Variants in SHANK2 observed in about 807,000 individuals in gnomAD.
The protein encoded by SHANK2 is SH3 and multiple ankyrin repeat domains 2.
A neutral mutation model predicts 133.7 loss-of-function variants in SHANK2; 43 were observed. That is an observed-to-expected ratio of 0.32 (90% confidence interval 0.25 to 0.41). The LOEUF is 0.41. Among genes scored for constraint, SHANK2 ranks in the 10% least tolerant of loss-of-function variants. The pLI is 1.00. For synonymous variants in SHANK2, 1,017 were observed against 952.8 expected (o/e 1.07, Z -1.24); for missense variants, 1,994 against 2,235.8 (o/e 0.89, Z 2.18).
At chr11:70,704,758 G>A (rs1480993186) in intron 14 of SHANK2, among the ~76,000 whole-genome samples, 1 of 152,200 alleles carries the variant, frequency 6.6e-6, no homozygotes, top group East Asian at 1.9e-4. Context: ...GGACACAAAA[G>A]ACCTTGATGC....
At chr11:70,692,701 T>C (rs1555021339) in intron 15 of SHANK2, among the ~76,000 whole-genome samples, 3 of 152,208 alleles carry the variant, frequency 2.0e-5, no homozygotes, top group African/African-American at 7.2e-5. Flanking sequence ...TTCCTGCATA[T>C]CTTGAATTTT....
At chr11:71,112,235 A>T (rs1172466915) in intron 5 of SHANK2, among the ~76,000 whole-genome samples, 1 of 152,138 alleles carries the variant, frequency 6.6e-6, no homozygotes, top group Non-Finnish European at 1.5e-5. Context: ...CTCTACTAAA[A>T]ATACAAAATT....
At position 71,175,124 on chromosome 11, in the gene SHANK2, A is replaced by C. The variant is rs1264638324; in HGVS notation, c.-12-27786T>G. Among the ~76,000 whole-genome samples the C allele has an allele frequency of 1.3e-5, 2 of 152,180 alleles. No homozygotes were observed. Among genetic ancestry groups the C allele is most frequent in the South Asian group, 2.1e-4 (1 of 4,832 alleles). On this transcript the variant is annotated intron_variant, in intron 2 of 25. Transcript: ENST00000601538. The surrounding 1 kb of genome is among the most constrained non-coding windows in gnomAD (Gnocchi z 4.2). ...TTTACCAGAGCAAGGGATTTTGTTA[A>C]ATCTGTGCCTTATCTATTTTGTGTG...
At position 70,489,330 on chromosome 11, in the gene SHANK2, G is replaced by A. The variant is rs2058854103; in HGVS notation, c.2570C>T (p.Ser857Leu). 1.2e-6 allele frequency: 2 copies of A among 1,613,676 alleles called. No homozygotes were observed. The highest frequency in any genetic ancestry group is 1.1e-5 in the South Asian group (1 of 91,076). The change falls in exon 24 of 26, where the codon TCA becomes TTA. Residue 857 changes from serine to leucine, a missense_variant and splice_region_variant. By Grantham distance (145) the Ser-to-Leu change is moderately radical (BLOSUM62 -2). Transcript: ENST00000601538. ...QKSIDSRIFL[S>L]GITEEERQFL... The stretch of plus-strand genomic sequence containing the variant: ...TCCAAACCGTAAGGTTCACTAACCT[G>A]ATAGAAAGATTCTGCTGTCTGACAG...
chr11:70,554,268 C>T (rs1406242727), intron 17 of SHANK2, among the ~76,000 whole-genome samples: 35 of 152,132 alleles, frequency 2.3e-4, no homozygotes, highest in Non-Finnish European at 2.9e-5. Flanking sequence ...CTTTGATGAG[C>T]CCCCAAGGGG....
intron 10 of SHANK2, among the ~76,000 whole-genome samples, chr11:70,901,300 C>T (rs1205124309): frequency 6.6e-6 from 1 of 152,128 alleles, no homozygotes; most frequent in Admixed American, 6.6e-5. Flanking sequence ...AGGTCAAACA[C>T]CTTTGTAAAA....
chr11:71,085,834 TATACAACAATAATATATATTGTTATTTTA>T (rs1951391723), intron 8 of SHANK2, among the ~76,000 whole-genome samples: 1 of 32 alleles, frequency 0.031, no homozygotes, highest in Non-Finnish European at 0.083. Flanking sequence ...ATAATAATAT[TATACAACAATAATATATATTGTTATTTTA>T]ATATATTATA....
chr11:70,772,145 T>C (rs571641985), intron 14 of SHANK2, among the ~76,000 whole-genome samples: 69 of 152,050 alleles, frequency 4.5e-4, no homozygotes, highest in Middle Eastern at 3.4e-3. Context: ...CAAGCCCCCC[T>C]AGTTTGAGAA....
intron 11 of SHANK2, among the ~76,000 whole-genome samples, chr11:70,870,610 G>A (rs1949444007): frequency 6.6e-6 from 1 of 152,138 alleles, no homozygotes; most frequent in Admixed American, 6.5e-5. Context: ...GTTCACACTG[G>A]GGACTGCAGG....
intron 11 of SHANK2, among the ~76,000 whole-genome samples, chr11:70,851,829 A>C (rs1483842636): frequency 6.6e-6 from 1 of 151,494 alleles, no homozygotes; most frequent in Non-Finnish European, 1.5e-5. Flanking sequence ...CCATGCGTGG[A>C]GGTTCAAACT....
chr11:71,124,557 T>C (rs1454404640), intron 3 of SHANK2, among the ~76,000 whole-genome samples: 3 of 152,000 alleles, frequency 2.0e-5, no homozygotes, highest in Non-Finnish European at 4.4e-5. Flanking sequence ...GTTTATATAA[T>C]AATATTATTC....
At chr11:70,934,638 A>G (rs1555083157) in intron 10 of SHANK2, among the ~76,000 whole-genome samples, 1 of 152,246 alleles carries the variant, frequency 6.6e-6, no homozygotes, top group Non-Finnish European at 1.5e-5. Flanking sequence ...GCCACCATCA[A>G]TTAAGGAGGC....
chr11:70,661,802 C>T, intron 15 of SHANK2, 124 bp from the exon 16 acceptor site: 2 of 1,612,724 alleles, frequency 1.2e-6, no homozygotes, highest in Admixed American at 1.7e-5. Flanking sequence ...CAGATCCAGG[C>T]AGCATGGAGG....
At chr11:71,143,323 C>T (rs1952589892) in intron 3 of SHANK2, among the ~76,000 whole-genome samples, 1 of 152,206 alleles carries the variant, frequency 6.6e-6, no homozygotes, top group African/African-American at 2.4e-5. Flanking sequence ...CAAAACACAG[C>T]CAATCCTCAC....
intron 14 of SHANK2, among the ~76,000 whole-genome samples, chr11:70,778,426 G>T (rs1324893566): frequency 1.3e-5 from 2 of 152,216 alleles, no homozygotes; most frequent in African/African-American, 4.8e-5. Context: ...GACTAAATGT[G>T]TGTGTCCCCC....
In SHANK2 at chr11:71,092,385, C is replaced by T. The variant is rs532611110; in HGVS notation, c.912+37G>A. ...ATCGGAGGAGAAGGGGAAGTCAGTT[C>T]GTGGGTACAACAGAGTGGAGAAGCG... is the stretch of plus-strand genomic sequence containing the variant. On this transcript the variant is annotated intron_variant, in intron 8 of 25. Coordinates refer to ENST00000601538, the MANE Select transcript of SHANK2 (RefSeq NM_012309.5). 6.3e-5 allele frequency: 97 copies of T among 1,549,716 alleles called. 1 individual carries two copies. The African/African-American group carries it at 8.8e-4, about 14-fold the overall frequency.
chr11:70,502,427 A>G, intron 18 of SHANK2, 141 bp from the exon 19 acceptor site: 1 of 778,552 alleles, frequency 1.3e-6, no homozygotes, highest in Non-Finnish European at 2.1e-6. Context: ...AGGTGTGCTT[A>G]TGATGGGAAA....
intron 2 of SHANK2, among the ~76,000 whole-genome samples, chr11:71,185,608 T>C (rs1459204419): frequency 6.6e-6 from 1 of 151,840 alleles, no homozygotes; most frequent in Non-Finnish European, 1.5e-5. Context: ...ACCTGGAGGG[T>C]TCAAATCTCA....
chr11:70,490,517 T>G, intron 22 of SHANK2, 130 bp from the exon 23 acceptor site: 1 of 773,620 alleles, frequency 1.3e-6, no homozygotes. Flanking sequence ...CCACCTAAAG[T>G]CTCCAGTGGG....
Sources: allele counts gnomAD v4.1 joint callset (sites outside exome capture counted in the v4.1 genomes callset), GRCh38; gene constraint gnomAD v4.1.1; non-coding constraint Gnocchi (gnomAD v3.1); transcripts MANE v1.5; gene names NCBI Gene and HGNC (gene_info 2026-07-23, HGNC 2026-07-21).